The following HDLBP variants were observed in gnomAD, a reference collection of about 807,000 sequenced individuals.
HDLBP encodes high density lipoprotein binding protein.
Under a neutral mutation model 137.3 loss-of-function variants are expected in HDLBP, and 30 were observed. That is an observed-to-expected ratio of 0.22 (90% CI 0.16 to 0.30). The LOEUF is 0.30. HDLBP is among the 10% of genes least tolerant of loss of function. The pLI, the probability that HDLBP is intolerant of heterozygous loss-of-function variation, is 1.00. For missense variants in HDLBP, 1,119 were observed against 1,667.3 expected (o/e 0.67, Z 5.73); for synonymous variants, 606 against 596.0 (o/e 1.02, Z -0.24).
chr2:241,261,315 TGAAA>T (rs1287213911), intron 5 of HDLBP, among the ~76,000 whole-genome samples: 1 of 151,604 alleles, frequency 6.6e-6, no homozygotes, highest in East Asian at 1.9e-4. Context: ...AAAGACCAAC[TGAAA>T]GAAACATCTT....
In HDLBP at chr2:241,238,929, G is replaced by C. The variant is rs1318456310; in HGVS notation, c.2611-142C>G. The C allele has an allele frequency of 1.6e-6, 1 of 623,368 alleles. No homozygotes were observed. Among genetic ancestry groups the C allele is most frequent in the African/African-American group, 1.9e-5 (1 of 53,868 alleles). The allele number at this position is 623,368 out of a possible 1,614,324, so 38.6% of individuals were successfully genotyped here. A position where few individuals can be genotyped will look rare whatever the true frequency, so the allele number is the denominator to read the frequency against. On this transcript the variant is annotated intron_variant, in intron 19 of 27. Coordinates refer to ENST00000310931, the MANE Select transcript of HDLBP (RefSeq NM_005336.6). The surrounding 1 kb of genome is among the most constrained non-coding windows in gnomAD (Gnocchi z 4.9). Reference sequence around the variant, plus strand: ...ATGCTCCCCTTCTCCCGAGTCCAGGGCTCCAGGCGCAGGGAGGAGGGAGGT... The same window carrying C: ...ATGCTCCCCTTCTCCCGAGTCCAGGCCTCCAGGCGCAGGGAGGAGGGAGGT...
Position 241,238,675 on chromosome 2 carries a change from T to C in HDLBP, c.2723A>G (p.Lys908Arg), listed in dbSNP as rs768019779. ...TGCGTTCTCCTCTCTGTCTGGGAAT[T>C]TAATTTGAACACTGAAATCCCGAGT... ...QITRDFSVQI[K>R]FPDREENAVH... The change falls in exon 20 of 28, where the codon AAA becomes AGA. Residue 908 changes from lysine (K) to arginine (R), a missense_variant. Lys to Arg is a conservative substitution (Grantham distance 26, BLOSUM62 2). Coordinates refer to ENST00000310931, the MANE Select transcript of HDLBP (RefSeq NM_005336.6). The surrounding 1 kb of genome is among the most constrained non-coding windows in gnomAD (Gnocchi z 4.9). 3 of 1,579,080 alleles carry C rather than the reference T, an allele frequency of 1.9e-6. No individual in the cohort carries two copies. The highest frequency in any genetic ancestry group is 2.6e-6 in the Non-Finnish European group (3 of 1,155,892).
At chr2:241,234,068 T>C (rs2070109558) in intron 23 of HDLBP, 105 bp from the exon 24 acceptor site, 2 of 1,317,542 alleles carry the variant, frequency 1.5e-6, no homozygotes, top group East Asian at 2.3e-5. Flanking sequence ...GCTGCAGTGT[T>C]CTGTAACCCG....
At chr2:241,241,410 AC>A (rs2071202849) in intron 17 of HDLBP, among the ~76,000 whole-genome samples, 1 of 151,858 alleles carries the variant, frequency 6.6e-6, no homozygotes, top group Non-Finnish European at 1.5e-5. Context: ...TACTAAAAAT[AC>A]AAAAAATTAG....
intron 5 of HDLBP, 60 bp downstream of exon 5, chr2:241,262,651 G>C: frequency 1.5e-6 from 2 of 1,319,978 alleles, no homozygotes; most frequent in Non-Finnish European, 1.1e-6. Context: ...CCTGCATCAG[G>C]AGCCGGGTAA....
intron 1 of HDLBP, among the ~76,000 whole-genome samples, chr2:241,278,837 G>A (rs1282363113): frequency 6.6e-6 from 1 of 152,034 alleles, no homozygotes; most frequent in Non-Finnish European, 1.5e-5. Flanking sequence ...AATCAATTAT[G>A]TTTCCAAAAC....
At chr2:241,271,180 C>A in intron 1 of HDLBP, 2 of 966,492 alleles carry the variant, frequency 2.1e-6, no homozygotes, top group Middle Eastern at 5.4e-4. Context: ...GCCCCAGTCC[C>A]TTCGTGATTC....
chr2:241,272,652 CCCTCCGCGG>C lies in HDLBP; in HGVS notation c.-102-4120_-102-4112del. 1.1e-6 allele frequency: 1 copy of C among 940,914 alleles called. No individual in the cohort carries two copies. Among genetic ancestry groups the C allele is most frequent in the Non-Finnish European group, 1.3e-6 (1 of 791,262 alleles). 58.3% of individuals were successfully genotyped at this position (940,914 alleles called of 1,614,324 possible). A position where few individuals can be genotyped will look rare whatever the true frequency, so the allele number is the denominator to read the frequency against. On this transcript the variant is annotated intron_variant, in intron 1 of 27. Transcript: ENST00000310931. This position sits in a 1 kb window ranked among gnomAD's most constrained non-coding sequence, Gnocchi z 5.6. ...GGGGCCGCGGCACCCGGGCCCCTCC[CCCTCCGCGG>C]CCTCCACGTCAGCAGCCACCCCCCA...
At position 241,272,590 on chromosome 2, in the gene HDLBP, C is replaced by T; in HGVS notation, c.-102-4049G>A. ...GAACCGCCACGCGCGGTAAGCAGGA[C>T]ACCCGCGGGCGGGGGCCGCAGCCTG... On this transcript the variant is annotated intron_variant, in intron 1 of 27. Transcript: ENST00000310931. The surrounding 1 kb of genome is among the most constrained non-coding windows in gnomAD (Gnocchi z 5.6). 1.0e-6 allele frequency: 1 copy of T among 983,710 alleles called. No individual in the cohort carries two copies. Among genetic ancestry groups the T allele is most frequent in the African/African-American group, 1.8e-5 (1 of 57,090 alleles). 60.9% of individuals were successfully genotyped at this position (983,710 alleles called of 1,614,324 possible). A position where few individuals can be genotyped will look rare whatever the true frequency, so the allele number is the denominator to read the frequency against.
intron 1 of HDLBP, among the ~76,000 whole-genome samples, chr2:241,310,901 G>T (rs965412983): frequency 9.9e-5 from 15 of 152,146 alleles, no homozygotes; most frequent in African/African-American, 3.6e-4. Context: ...AATCACTTGA[G>T]GCCAGGAGTT....
chr2:241,270,830 T>C (rs1477237462), intron 1 of HDLBP: 1 of 313,062 alleles, frequency 3.2e-6, no homozygotes, highest in Non-Finnish European at 4.6e-6. Flanking sequence ...CTATCTGAAG[T>C]TCCCAGGATA....
chr2:241,279,876 G>A, intron 1 of HDLBP: 1 of 979,160 alleles, frequency 1.0e-6, no homozygotes, highest in Non-Finnish European at 1.2e-6. Flanking sequence ...ATTGTCAGTG[G>A]ATAACATGGA....
chr2:241,265,395 G>T (rs1216950941), intron 3 of HDLBP, among the ~76,000 whole-genome samples: 1 of 152,164 alleles, frequency 6.6e-6, no homozygotes, highest in Non-Finnish European at 1.5e-5. Flanking sequence ...TCCAGCCTGG[G>T]CAACAAGAGC....
At chr2:241,304,185 A>G (rs924901785) in intron 1 of HDLBP, among the ~76,000 whole-genome samples, 2 of 152,214 alleles carry the variant, frequency 1.3e-5, no homozygotes, top group African/African-American at 4.8e-5. Flanking sequence ...CATCCCTCAA[A>G]ATACGTATAT....
intron 20 of HDLBP, among the ~76,000 whole-genome samples, chr2:241,237,411 T>C (rs2149374900): frequency 6.6e-6 from 1 of 152,070 alleles, no homozygotes; most frequent in East Asian, 1.9e-4. Context: ...ACCACAACAA[T>C]AAGTGTCACA....
chr2:241,236,339 G>T, intron 21 of HDLBP: 1 of 488,670 alleles, frequency 2.0e-6, no homozygotes, highest in Non-Finnish European at 3.7e-6. Context: ...CCCTTCCACA[G>T]CCCCCGCACC....
chr2:241,310,435 A>G (rs973222679), intron 1 of HDLBP, among the ~76,000 whole-genome samples: 2 of 152,216 alleles, frequency 1.3e-5, no homozygotes, highest in Non-Finnish European at 2.9e-5. Context: ...CACCACAAAA[A>G]ACTTAAAGTA....
At chr2:241,234,369 C>A (rs1460465473) in intron 23 of HDLBP, among the ~76,000 whole-genome samples, 2 of 152,200 alleles carry the variant, frequency 1.3e-5, no homozygotes, top group African/African-American at 4.8e-5. Context: ...GAAGAGGGGG[C>A]AGCCACAGCC....
At position 241,306,833 on chromosome 2, in the gene HDLBP, G is replaced by A. The variant is rs148937098; in HGVS notation, c.-103+8737C>T. On this transcript the variant is annotated intron_variant, in intron 1 of 27. Transcript: ENST00000310931. Reference sequence around the variant, plus strand: ...GGAGGCGGAAGTTGCAGTGAGCGGAGATCATGCTGTCATACTCCAGCCTGG... The same window carrying A: ...GGAGGCGGAAGTTGCAGTGAGCGGAAATCATGCTGTCATACTCCAGCCTGG... 4.3e-3 allele frequency among the ~76,000 whole-genome samples: 650 copies of A among 150,496 alleles called. 3 individuals are homozygous for A. Among genetic ancestry groups the A allele is most frequent in the Middle Eastern group, 0.014 (4 of 288 alleles).
Sources: allele counts gnomAD v4.1 joint callset (sites outside exome capture counted in the v4.1 genomes callset), GRCh38; gene constraint gnomAD v4.1.1; non-coding constraint Gnocchi (gnomAD v3.1); transcripts MANE v1.5; gene names NCBI Gene and HGNC (gene_info 2026-07-23, HGNC 2026-07-21).